Variants in NRXN1 observed in about 807,000 individuals in gnomAD.
NRXN1 encodes neurexin 1.
In NRXN1, 39 loss-of-function variants were observed where a neutral mutation model predicts 150.9. The ratio of observed to expected loss-of-function variants is 0.26; its 90% CI spans 0.20 to 0.34. The LOEUF is 0.34. Among genes scored for constraint, NRXN1 ranks in the 10% least tolerant of loss-of-function variants. The probability of loss-of-function intolerance (pLI) is 1.00; values close to 1 mark genes in which losing one functional copy is unlikely to be tolerated. For missense variants in NRXN1, 1,815 were observed against 1,949.9 expected (o/e 0.93, Z 1.30); for synonymous variants, 924 against 757.0 (o/e 1.22, Z -3.62).
At chr2:50,588,241 C>T (rs541520093) in intron 8 of NRXN1, among the ~76,000 whole-genome samples, 1 of 152,206 alleles carries the variant, frequency 6.6e-6, no homozygotes, top group East Asian at 1.9e-4. Context: ...GAATAAGCTG[C>T]TTTTTTTAAC....
intron 18 of NRXN1, among the ~76,000 whole-genome samples, chr2:50,223,055 A>T (rs946685234): frequency 3.3e-5 from 5 of 151,950 alleles, no homozygotes; most frequent in Admixed American, 6.6e-5. Context: ...ATCCGTAGGC[A>T]ACAAATAAAA....
Position 50,921,862 on chromosome 2 carries a change from GTAATACCTTTACTTTTACCTAT to G in NRXN1, c.821-4_832+6del, listed in dbSNP as rs1392328343. 7.4e-7 allele frequency: 1 copy of G among 1,346,290 alleles called. No individual in the cohort carries two copies. The highest frequency in any genetic ancestry group is 1.0e-6 in the Non-Finnish European group (1 of 999,288). The allele number at this position is 1,346,290 out of a possible 1,614,324, so 83.4% of individuals were successfully genotyped here. ...TGATATTAAGAAGAAATAAAATAAT[GTAATACCTTTACTTTTACCTAT>G]GGATTTGATGAAATGGGTCCATGAA... On this transcript the variant is annotated splice_acceptor_variant and splice_donor_variant and splice_donor_5th_base_variant and splice_polypyrimidine_tract_variant and coding_sequence_variant and intron_variant, in exon 5 of 23. Transcript: ENST00000401669. LOFTEE classifies it high-confidence loss of function.
chr2:50,703,387 T>G (rs572279804), intron 5 of NRXN1, among the ~76,000 whole-genome samples: 3 of 152,112 alleles, frequency 2.0e-5, no homozygotes, highest in African/African-American at 4.8e-5. Flanking sequence ...TTTCTAGATA[T>G]CCAGATGGCA....
chr2:50,712,485 T>G (rs1347632513), intron 5 of NRXN1, among the ~76,000 whole-genome samples: 1 of 152,144 alleles, frequency 6.6e-6, no homozygotes, highest in Non-Finnish European at 1.5e-5. Context: ...TAATCAAAGA[T>G]CTTGGTTTAA....
At chr2:50,508,693 G>A (rs2092338870) in intron 12 of NRXN1, among the ~76,000 whole-genome samples, 1 of 151,880 alleles carries the variant, frequency 6.6e-6, no homozygotes, top group South Asian at 2.1e-4. Context: ...CCCCATCCTT[G>A]GCTTGATCTT....
intron 17 of NRXN1, among the ~76,000 whole-genome samples, chr2:50,285,015 T>C (rs1466498675): frequency 2.0e-5 from 3 of 152,168 alleles, no homozygotes; most frequent in Admixed American, 6.5e-5. Context: ...GAAATATATA[T>C]ACATTTAAGA....
intron 8 of NRXN1, among the ~76,000 whole-genome samples, chr2:50,570,269 G>T (rs955772332): frequency 9.2e-5 from 14 of 151,584 alleles, no homozygotes; most frequent in African/African-American, 2.9e-4. Context: ...GGGGCGGGGG[G>T]AAGAATCAAA....
In NRXN1 at chr2:50,412,181, C is replaced by T. The variant is rs375022485; in HGVS notation, c.3364+53261G>A. ...CCAGGGACACAAACACTGCAGAAGG[C>T]GGCAGGGCCCTCTGCCTAGGAAAAC... On this transcript the variant is annotated intron_variant, in intron 17 of 22. Transcript: ENST00000401669. Among the ~76,000 whole-genome samples, 6 of 152,160 alleles carry T rather than the reference C, an allele frequency of 3.9e-5. No homozygotes were observed. The South Asian group carries it at 1.0e-3, about 26-fold the overall frequency.
intron 5 of NRXN1, among the ~76,000 whole-genome samples, chr2:50,902,004 A>G (rs926888096): frequency 2.0e-5 from 3 of 151,938 alleles, no homozygotes; most frequent in African/African-American, 7.2e-5. Context: ...CCAAACTAGA[A>G]TTTGGTGGGA....
At chr2:50,632,255 AAC>A (rs1682468513) in intron 5 of NRXN1, 1 of 151,998 alleles carries the variant, frequency 6.6e-6, no homozygotes, top group Admixed American at 6.6e-5. Flanking sequence ...GGTGGTCTGT[AAC>A]TCTAAAAATC....
chr2:50,873,227 G>A lies in NRXN1; in HGVS notation c.832+48642C>T, dbSNP rs188295141. On this transcript the variant is annotated intron_variant, in intron 5 of 22. Transcript: ENST00000401669. The stretch of plus-strand genomic sequence containing the variant: ...CAAATGAGATAACATTTATAAAGCC[G>A]TAAGAATGGTGACTGGCATATAATA... Among the ~76,000 whole-genome samples, 16 of 151,918 alleles carry A rather than the reference G, an allele frequency of 1.1e-4. No homozygotes were observed. The East Asian group carries it at 1.4e-3, about 13-fold the overall frequency.
chr2:50,389,768 C>A (rs2081565649), intron 17 of NRXN1, among the ~76,000 whole-genome samples: 1 of 152,094 alleles, frequency 6.6e-6, no homozygotes, highest in African/African-American at 2.4e-5. Context: ...TGCCAATATA[C>A]CTATGACCAT....
intron 8 of NRXN1, among the ~76,000 whole-genome samples, chr2:50,584,975 C>T (rs1361675600): frequency 2.0e-5 from 3 of 152,108 alleles, no homozygotes; most frequent in Admixed American, 6.6e-5. Context: ...CAGTTTGATG[C>T]TGTTTCTCAA....
chr2:50,284,054 A>G (rs931226681), intron 17 of NRXN1, among the ~76,000 whole-genome samples: 89 of 152,292 alleles, frequency 5.8e-4, no homozygotes, highest in African/African-American at 2.1e-3. Flanking sequence ...GTGATGCATC[A>G]CAAATGGTAT....
intron 18 of NRXN1, among the ~76,000 whole-genome samples, chr2:50,153,619 T>A (rs895832429): frequency 1.3e-5 from 2 of 151,772 alleles, no homozygotes; most frequent in Non-Finnish European, 2.9e-5. Context: ...TCCCTGAGTA[T>A]GCACACCGAC....
chr2:49,983,585 C>G (rs1476709071), intron 21 of NRXN1, among the ~76,000 whole-genome samples: 1 of 152,156 alleles, frequency 6.6e-6, no homozygotes, highest in East Asian at 1.9e-4. Flanking sequence ...TGAGTCAGAT[C>G]TTTGAGTCCT....
chr2:50,024,895 C>T (rs986196950), intron 21 of NRXN1, among the ~76,000 whole-genome samples: 5 of 152,036 alleles, frequency 3.3e-5, no homozygotes, highest in African/African-American at 7.3e-5. Context: ...GGATTACAGG[C>T]GTGAGCTACT....
chr2:50,813,583 C>T (rs1668524296), intron 5 of NRXN1, among the ~76,000 whole-genome samples: 1 of 152,058 alleles, frequency 6.6e-6, no homozygotes, highest in Non-Finnish European at 1.5e-5. Context: ...GATCATCAAC[C>T]TTGTTATAAG....
intron 17 of NRXN1, chr2:50,432,377 C>T (rs10490227): frequency 0.17 from 25,572 of 152,172 alleles, 2,817 homozygotes; most frequent in East Asian, 0.52. Flanking sequence ...CTGTCTAACC[C>T]ATCTCACGCA....
Sources: allele counts gnomAD v4.1 joint callset (sites outside exome capture counted in the v4.1 genomes callset), GRCh38; gene constraint gnomAD v4.1.1; transcripts MANE v1.5; gene names NCBI Gene and HGNC (gene_info 2026-07-23, HGNC 2026-07-21).